Variants in ASAP1 observed in about 807,000 individuals in gnomAD.
The protein encoded by ASAP1 is ArfGAP with SH3 domain, ankyrin repeat and PH domain 1.
ASAP1 carries 43 observed loss-of-function variants against 145.2 expected under a neutral mutation model. The ratio of observed to expected loss-of-function variants is 0.30; its 90% CI spans 0.23 to 0.38. The LOEUF (loss-of-function observed/expected upper bound fraction) is 0.38. Among genes scored for constraint, ASAP1 ranks in the 10% least tolerant of loss-of-function variants. The pLI is 1.00. For synonymous variants in ASAP1, 546 were observed against 515.5 expected (o/e 1.06, Z -0.80); for missense variants, 1,018 against 1,355.3 (o/e 0.75, Z 3.91).
At chr8:130,417,618 GGA>G (rs1829541368) in intron 1 of ASAP1, among the ~76,000 whole-genome samples, 2 of 149,150 alleles carry the variant, frequency 1.3e-5, no homozygotes, top group East Asian at 3.9e-4. Flanking sequence ...TGGCTTCAGG[GGA>G]AAAAAAAAAA....
chr8:130,056,089 T>A (rs906057699), intron 29 of ASAP1, among the ~76,000 whole-genome samples: 1 of 152,258 alleles, frequency 6.6e-6, no homozygotes, highest in African/African-American at 2.4e-5. Context: ...AAGAACATGA[T>A]CACTGCTTGA....
In ASAP1 at chr8:130,079,797, C is replaced by G; in HGVS notation, c.2642+105G>C. 11 of 1,224,134 alleles carry G rather than the reference C, an allele frequency of 9.0e-6. 1 individual carries two copies. In the Admixed American group the frequency reaches 2.0e-4, roughly 23 times the overall value. The allele number at this position is 1,224,134 out of a possible 1,614,324, so 75.8% of individuals were successfully genotyped here. On this transcript the variant is annotated intron_variant, in intron 26 of 29. Transcript: ENST00000518721. ...TTGTGGCCTGCCCCACTTGGCTGAC[C>G]ACAGCTTTGAGCAGCGCTGGGAAAT... is the stretch of plus-strand genomic sequence containing the variant.
chr8:130,422,786 A>C (rs1161117451), intron 1 of ASAP1, among the ~76,000 whole-genome samples: 2 of 152,124 alleles, frequency 1.3e-5, no homozygotes, highest in African/African-American at 4.8e-5. Context: ...TCAAATCTCC[A>C]CTGTCATTTG....
intron 24 of ASAP1, among the ~76,000 whole-genome samples, chr8:130,107,493 CTCT>C (rs1447463797): frequency 1.4e-5 from 2 of 146,350 alleles, no homozygotes; most frequent in African/African-American, 2.5e-5. Context: ...CCCATAGTCT[CTCT>C]TTTTTTTTTT....
chr8:130,255,567 C>T (rs1307762119), intron 3 of ASAP1, among the ~76,000 whole-genome samples: 1 of 152,092 alleles, frequency 6.6e-6, no homozygotes, highest in Non-Finnish European at 1.5e-5. Context: ...GCTTAATGGT[C>T]AGTTTTTCCA....
chr8:130,180,189 A>C (rs938778257), intron 8 of ASAP1, among the ~76,000 whole-genome samples: 3 of 152,174 alleles, frequency 2.0e-5, no homozygotes, highest in Admixed American at 6.5e-5. Flanking sequence ...TCTCCACTTT[A>C]ATATTTTCTG....
At chr8:130,311,761 CA>C (rs201264577) in intron 3 of ASAP1, among the ~76,000 whole-genome samples, 69 of 85,334 alleles carry the variant, frequency 8.1e-4, no homozygotes, top group South Asian at 3.4e-3. Context: ...AACTCCGTCT[CA>C]AAAAAAAAAA....
chr8:130,054,785 C>A lies in ASAP1; in HGVS notation c.3336G>T (p.Gln1112His). The A allele has an allele frequency of 6.2e-7, 1 of 1,613,614 alleles. No homozygotes were observed. Among genetic ancestry groups the A allele is most frequent in the Admixed American group, 1.7e-5 (1 of 60,002 alleles). ...CTGGAAAGACCCCCTTCCTTTCAGG[C>A]TGTCCTTCGATGTGGCCAATCTGCA... is the stretch of plus-strand genomic sequence containing the variant. ...QEWWIGHIEG[Q>H]PERKGVFPVS... Residue 1112 changes from glutamine (Q) to histidine (H), a missense_variant, in exon 30 of 30, where the codon CAG (glutamine) becomes CAT (histidine). Transcript: ENST00000518721.
At chr8:130,287,923 GT>G (rs1446701077) in intron 3 of ASAP1, among the ~76,000 whole-genome samples, 3 of 152,104 alleles carry the variant, frequency 2.0e-5, no homozygotes, top group African/African-American at 7.2e-5. Context: ...CTCTTGCCCT[GT>G]TAGGTCCCTA....
At chr8:130,375,226 CT>C (rs1265540013) in intron 2 of ASAP1, among the ~76,000 whole-genome samples, 3 of 152,082 alleles carry the variant, frequency 2.0e-5, no homozygotes, top group Non-Finnish European at 4.4e-5. Flanking sequence ...GCTCTAAACC[CT>C]TGGATCCCCC....
At chr8:130,074,020 T>C (rs2097456123) in intron 27 of ASAP1, among the ~76,000 whole-genome samples, 1 of 151,988 alleles carries the variant, frequency 6.6e-6, no homozygotes, top group African/African-American at 2.4e-5. Flanking sequence ...AAAAGAGAGA[T>C]GCAGGGGAAA....
chr8:130,245,614 C>G (rs548939226), intron 3 of ASAP1, among the ~76,000 whole-genome samples: 1 of 152,170 alleles, frequency 6.6e-6, no homozygotes, highest in Non-Finnish European at 1.5e-5. Flanking sequence ...AAAACTAGCT[C>G]GCAAAAGTCT....
chr8:130,216,044 G>C (rs1565099078), intron 4 of ASAP1, among the ~76,000 whole-genome samples: 3 of 127,504 alleles, frequency 2.4e-5, no homozygotes, highest in African/African-American at 9.2e-5. Context: ...AAAAGGAAAG[G>C]AAAAGAAAGA....
chr8:130,423,334 T>C (rs1382482496), intron 1 of ASAP1, among the ~76,000 whole-genome samples: 2 of 152,208 alleles, frequency 1.3e-5, no homozygotes, highest in Non-Finnish European at 2.9e-5. Context: ...TAATTGATAA[T>C]GCCTGGGGCG....
chr8:130,125,547 T>C (rs2097573636), intron 17 of ASAP1, among the ~76,000 whole-genome samples: 1 of 152,222 alleles, frequency 6.6e-6, no homozygotes. Flanking sequence ...TGTGTACTTT[T>C]ACAAACTTAG....
intron 3 of ASAP1, among the ~76,000 whole-genome samples, chr8:130,248,177 G>A (rs977887165): frequency 1.3e-5 from 2 of 152,052 alleles, no homozygotes; most frequent in Admixed American, 1.3e-4. Flanking sequence ...CCCATTGAGA[G>A]GTCACTCAAG....
intron 7 of ASAP1, 111 bp from the exon 8 acceptor site, chr8:130,180,991 A>G: frequency 1.1e-6 from 1 of 936,744 alleles, no homozygotes; most frequent in Non-Finnish European, 1.5e-6. Context: ...GTGTCTATGT[A>G]GGTTCATCAG....
chr8:130,056,978 A>G (rs1019267357), intron 29 of ASAP1, among the ~76,000 whole-genome samples: 1 of 152,218 alleles, frequency 6.6e-6, no homozygotes, highest in African/African-American at 2.4e-5. Context: ...CAGCCTGGGT[A>G]CCTAGCAGGG....
At chr8:130,090,155 A>C (rs753706359) in intron 25 of ASAP1, among the ~76,000 whole-genome samples, 3 of 152,260 alleles carry the variant, frequency 2.0e-5, no homozygotes, top group Non-Finnish European at 4.4e-5. Flanking sequence ...GAGTGATGTG[A>C]AAATCTAAAA....
Sources: gnomAD v4.1 joint callset for allele counts (sites outside exome capture counted in the v4.1 genomes callset) on GRCh38, gnomAD v4.1.1 for gene constraint, MANE v1.5 for transcripts, NCBI Gene and HGNC (gene_info 2026-07-23, HGNC 2026-07-21) for gene names.